The following ENOX2 variants were observed in gnomAD, a reference collection of about 807,000 sequenced individuals.
ENOX2 encodes the protein APK1 antigen.
Under a neutral mutation model 45.0 loss-of-function variants are expected in ENOX2, and 36 were observed. That is an observed-to-expected ratio of 0.80 (90% CI 0.61 to 1.06). The LOEUF is 1.06. Ranked by LOEUF, ENOX2 falls within the 50% of genes least tolerant of loss-of-function variation. The pLI, the probability that ENOX2 is intolerant of heterozygous loss-of-function variation, is 0.00. For missense variants in ENOX2, 423 were observed against 462.5 expected (o/e 0.91, Z 0.78); for synonymous variants, 174 against 152.3 (o/e 1.14, Z -1.05).
intron 4 of ENOX2, among the ~76,000 whole-genome samples, chrX:130,697,653 C>T (rs1046042551): frequency 8.9e-6 from 1 of 111,846 alleles, no homozygotes; most frequent in Non-Finnish European, 1.9e-5. Context: ...ATTGCTCTGT[C>T]CGCGGGGCTT....
intron 4 of ENOX2, among the ~76,000 whole-genome samples, chrX:130,697,612 A>G (rs964064194): frequency 8.9e-6 from 1 of 111,853 alleles, no homozygotes. Context: ...TGGAGTCACT[A>G]TGAGGGTAGG....
chrX:130,676,581 C>T (rs1184160747), intron 6 of ENOX2, among the ~76,000 whole-genome samples: 2 of 111,395 alleles, frequency 1.8e-5, no homozygotes, highest in Non-Finnish European at 3.8e-5. Flanking sequence ...CTTTTAAGTA[C>T]ACCTACGCAG....
chrX:130,847,192 A>G (rs1228269771), intron 2 of ENOX2, among the ~76,000 whole-genome samples: 1 of 109,972 alleles, frequency 9.1e-6, no homozygotes, highest in Non-Finnish European at 1.9e-5. Flanking sequence ...TTTTTTTTAC[A>G]CTATATTTAA....
At chrX:130,738,049 T>TA (rs1362898341) in intron 3 of ENOX2, among the ~76,000 whole-genome samples, 1 of 111,837 alleles carries the variant, frequency 8.9e-6, no homozygotes, top group Non-Finnish European at 1.9e-5. Flanking sequence ...CCCCATCAGT[T>TA]ACCTTGAAAT....
intron 3 of ENOX2, among the ~76,000 whole-genome samples, chrX:130,705,633 C>T (rs954812885): frequency 1.8e-5 from 2 of 111,748 alleles, no homozygotes; most frequent in Admixed American, 1.9e-4. Flanking sequence ...CCCTAACACC[C>T]ATCTCCACCT....
intron 3 of ENOX2, among the ~76,000 whole-genome samples, chrX:130,736,903 T>C (rs1203190232): frequency 1.8e-5 from 2 of 111,702 alleles, no homozygotes; most frequent in Admixed American, 9.5e-5. Context: ...GGCCACCTTA[T>C]CCACCAAAGT....
chrX:130,661,443 C>G (rs1209501574), intron 9 of ENOX2, among the ~76,000 whole-genome samples: 2 of 111,244 alleles, frequency 1.8e-5, no homozygotes, highest in African/African-American at 6.5e-5. Flanking sequence ...CCTGTGTCAG[C>G]CTCCCAAAGT....
At chrX:130,811,434 C>A (rs2077387206) in intron 2 of ENOX2, among the ~76,000 whole-genome samples, 2 of 112,189 alleles carry the variant, frequency 1.8e-5, no homozygotes, top group Non-Finnish European at 3.8e-5. Context: ...TCAACCCCAA[C>A]CAGCCAGGCA....
intron 3 of ENOX2, among the ~76,000 whole-genome samples, chrX:130,724,201 T>C (rs1357393555): frequency 8.9e-6 from 1 of 112,529 alleles, no homozygotes; most frequent in African/African-American, 3.2e-5. Flanking sequence ...ACTCAGCCTA[T>C]ATGAGAGCAA....
intron 14 of ENOX2, among the ~76,000 whole-genome samples, chrX:130,625,775 C>T (rs2035528059): frequency 9.0e-6 from 1 of 111,111 alleles, no homozygotes; most frequent in Non-Finnish European, 1.9e-5. Context: ...GCTGCTGAGC[C>T]TTTTGGGAGG....
At chrX:130,726,619 T>C (rs1472215019) in intron 3 of ENOX2, among the ~76,000 whole-genome samples, 1 of 112,581 alleles carries the variant, frequency 8.9e-6, no homozygotes, top group African/African-American at 3.2e-5. Context: ...TGGCCTGCAC[T>C]CTGCCAGGGG....
intron 3 of ENOX2, among the ~76,000 whole-genome samples, chrX:130,715,360 T>C (rs977924990): frequency 8.9e-6 from 1 of 111,940 alleles, no homozygotes; most frequent in Admixed American, 9.5e-5. Flanking sequence ...GGCAATGCTA[T>C]ATATACACAT....
intron 2 of ENOX2, among the ~76,000 whole-genome samples, chrX:130,824,046 T>G (rs1432974143): frequency 1.8e-5 from 2 of 112,278 alleles, no homozygotes; most frequent in Non-Finnish European, 3.8e-5. Flanking sequence ...TAAAACAATT[T>G]CTTCACTTTA....
At chrX:130,682,583 CAAAAAAAAA>C (rs55875735) in intron 5 of ENOX2, among the ~76,000 whole-genome samples, 3 of 14,648 alleles carry the variant, frequency 2.0e-4, no homozygotes, top group African/African-American at 4.1e-4. Flanking sequence ...GACTCCGTCT[CAAAAAAAAA>C]AAAAAAAAAA....
At chrX:130,737,684 T>C (rs1030179687) in intron 3 of ENOX2, among the ~76,000 whole-genome samples, 1 of 112,206 alleles carries the variant, frequency 8.9e-6, no homozygotes, top group Non-Finnish European at 1.9e-5. Flanking sequence ...CCCAAATTTC[T>C]AACCTGGGAA....
intron 3 of ENOX2, among the ~76,000 whole-genome samples, chrX:130,746,080 C>T (rs1352906691): frequency 1.8e-5 from 2 of 112,180 alleles, no homozygotes; most frequent in Non-Finnish European, 3.8e-5. Context: ...AGAGAGCATA[C>T]GTTCTCACTT....
chrX:130,684,645 T>C (rs1007513544), intron 5 of ENOX2, among the ~76,000 whole-genome samples: 7 of 112,017 alleles, frequency 6.2e-5, no homozygotes, highest in African/African-American at 1.9e-4. Flanking sequence ...ATTGAACACC[T>C]ACTATATGTA....
chrX:130,890,450 C>A (rs1014564331), intron 2 of ENOX2, among the ~76,000 whole-genome samples: 1 of 111,656 alleles, frequency 9.0e-6, no homozygotes, highest in African/African-American at 3.3e-5. Flanking sequence ...CACTAGCCAC[C>A]CCAGATTCTG....
chrX:130,663,902 T>C (rs1360695600), intron 9 of ENOX2, among the ~76,000 whole-genome samples: 1 of 112,025 alleles, frequency 8.9e-6, no homozygotes, highest in African/African-American at 3.2e-5. Context: ...CTATGTTGCC[T>C]ATCATAGTGC....
Sources: gnomAD v4.1 joint callset for allele counts (sites outside exome capture counted in the v4.1 genomes callset) on GRCh38, gnomAD v4.1.1 for gene constraint, MANE v1.5 for transcripts, NCBI Gene and HGNC (gene_info 2026-07-23, HGNC 2026-07-21) for gene names.